ANKRD30BL: variants seen among roughly 807,000 people sequenced by gnomAD.
ANKRD30BL encodes the protein ankyrin repeat domain 30B like, also known as putative ankyrin repeat domain-containing protein 30B-like.
In ANKRD30BL, 20 loss-of-function variants were observed where a neutral mutation model predicts 18.4. The ratio of observed to expected loss-of-function variants is 1.09; its 90% CI spans 0.77 to 1.58. ANKRD30BL has a LOEUF of 1.58. Ranked by LOEUF, ANKRD30BL falls within the 40% of genes most tolerant of loss-of-function variation. The pLI, the probability that ANKRD30BL is intolerant of heterozygous loss-of-function variation, is 0.00. For missense variants in ANKRD30BL, 224 were observed against 268.6 expected, an observed-to-expected ratio of 0.83 and a Z score of 1.16; for synonymous variants, 72 against 100.9, an observed-to-expected ratio of 0.71 and a Z score of 1.72.
At chr2:132,209,387 G>A (rs1021551715) in intron 1 of ANKRD30BL, among the ~76,000 whole-genome samples, 11 of 151,898 alleles carry the variant, frequency 7.2e-5, no homozygotes, top group Admixed American at 4.6e-4. Flanking sequence ...ACTTCTTTGT[G>A]ATGTGTGCAT....
chr2:132,219,372 A>C, intron 1 of ANKRD30BL, among the ~76,000 whole-genome samples: 1 of 152,052 alleles, frequency 6.6e-6, no homozygotes, highest in African/African-American at 2.4e-5. Context: ...TGTGCATTCA[A>C]CTCACAGATT....
At chr2:132,174,926 C>G (rs547334961) in intron 1 of ANKRD30BL, among the ~76,000 whole-genome samples, 1 of 152,302 alleles carries the variant, frequency 6.6e-6, no homozygotes, top group Admixed American at 6.5e-5. Flanking sequence ...TTGAAAAACT[C>G]CAATTGTAAA....
intron 1 of ANKRD30BL, among the ~76,000 whole-genome samples, chr2:132,241,628 G>A (rs796403986): frequency 6.6e-6 from 1 of 151,632 alleles, no homozygotes; most frequent in Non-Finnish European, 1.5e-5. Flanking sequence ...TCTTTTTGTA[G>A]AATCTGCAAG....
At chr2:132,167,588 C>A (rs543732435) in intron 1 of ANKRD30BL, among the ~76,000 whole-genome samples, 8 of 152,278 alleles carry the variant, frequency 5.3e-5, no homozygotes, top group Non-Finnish European at 1.0e-4. Context: ...GAATTACTGG[C>A]AGGAGCCACT....
intron 1 of ANKRD30BL, among the ~76,000 whole-genome samples, chr2:132,222,476 T>G (rs145706204): frequency 0.071 from 10,767 of 152,064 alleles, 1,257 homozygotes; most frequent in African/African-American, 0.24. Flanking sequence ...AGACTTTTCA[T>G]TTTGTTCTGT....
chr2:132,157,374 G>A lies in ANKRD30BL; in HGVS notation c.268C>T (p.Leu90Phe), dbSNP rs1687939224. Residue 90 changes from leucine to phenylalanine, a missense_variant, in exon 2 of 6, where the codon CTT (leucine) becomes TTT (phenylalanine). Physicochemically the swap from Leu to Phe is conservative, Grantham distance 22. Coordinates refer to ENST00000409867, the MANE Select transcript of ANKRD30BL (RefSeq NM_001358416.1). ...AGCTGACACTTTCTATCTACCAGAA[G>A]TGTTACTACTTCTGCATGGCCATTG... is the stretch of plus-strand genomic sequence containing the variant. ...CANGHAEVVT[L>F]LVDRKCQLDV... 1 of 752,566 alleles carries A rather than the reference G, an allele frequency of 1.3e-6. No individual in the cohort carries two copies. The highest frequency in any genetic ancestry group is 2.5e-6 in the Non-Finnish European group (1 of 407,240). 46.6% of individuals were successfully genotyped at this position (752,566 alleles called of 1,614,324 possible). A position where few individuals can be genotyped will look rare whatever the true frequency, so the allele number is the denominator to read the frequency against.
chr2:132,164,269 C>CTTTTTTTTTTTTTTTTTTTTTT (rs796313755), upstream of ANKRD30BL, among the ~76,000 whole-genome samples: 5 of 112,212 alleles, frequency 4.5e-5, no homozygotes, highest in African/African-American at 1.7e-4. Context: ...TTTTCTTTTT[C>CTTTTTTTTTTTTTTTTTTTTTT]TTTTTTTTTT....
At position 132,230,886 on chromosome 2, in the gene ANKRD30BL, G is replaced by C. The variant is rs1450877493; in HGVS notation, n.441+26643C>G. The stretch of plus-strand genomic sequence containing the variant: ...ATGTGTGCATTCACCTCAGAGAGTT[G>C]AACATTTCTTTTGATAGAGCAGTTT... On this transcript the variant is annotated intron_variant and non_coding_transcript_variant, in intron 1 of 4. Coordinates refer to the ANKRD30BL transcript ENST00000470729. Among the ~76,000 whole-genome samples the C allele has an allele frequency of 2.0e-5, 3 of 151,386 alleles. No individual in the cohort carries two copies. In the East Asian group the frequency reaches 5.9e-4, roughly 30 times the overall value.
At chr2:132,246,633 T>C (rs1230845750) in intron 1 of ANKRD30BL, among the ~76,000 whole-genome samples, 1 of 151,950 alleles carries the variant, frequency 6.6e-6, no homozygotes, top group African/African-American at 2.4e-5. Context: ...GAAACGGGTA[T>C]ATCTTCACAT....
intron 1 of ANKRD30BL, among the ~76,000 whole-genome samples, chr2:132,224,175 T>G (rs1171240215): frequency 2.6e-5 from 4 of 152,158 alleles, no homozygotes; most frequent in African/African-American, 4.8e-5. Flanking sequence ...GAAACTTCTT[T>G]GTGATGTGTG....
intron 1 of ANKRD30BL, among the ~76,000 whole-genome samples, chr2:132,159,419 G>C (rs1326060771): frequency 6.6e-6 from 1 of 152,114 alleles, no homozygotes; most frequent in African/African-American, 2.4e-5. Context: ...TTTGTAGATA[G>C]AAAGCAGTAT....
rs1013152951 is a variant in ANKRD30BL at position 132,160,706 on chromosome 2, G to T, written c.218+782C>A. ...GCCTCCCAAAGTGCTGGGATTACAG[G>T]CATGATCCACCGCGCCTGGCCATGG... is the stretch of plus-strand genomic sequence containing the variant. On this transcript the variant is annotated intron_variant, in intron 1 of 5. Coordinates refer to ENST00000409867, the MANE Select transcript of ANKRD30BL (RefSeq NM_001358416.1). 3.9e-5 allele frequency among the ~76,000 whole-genome samples: 6 copies of T among 151,956 alleles called. 1 individual carries two copies. Among genetic ancestry groups the T allele is most frequent in the South Asian group, 4.1e-4 (2 of 4,824 alleles).
At chr2:132,195,650 G>GT (rs1678948126) in intron 1 of ANKRD30BL, among the ~76,000 whole-genome samples, 2 of 151,520 alleles carry the variant, frequency 1.3e-5, no homozygotes, top group African/African-American at 4.8e-5. Context: ...AATTAGCAGG[G>GT]CACGGTGGTG....
At chr2:132,156,292 T>G (rs1687902728) in intron 3 of ANKRD30BL, 1 of 152,128 alleles carries the variant, frequency 6.6e-6, no homozygotes, top group African/African-American at 2.4e-5. Context: ...TGAAGAAAAA[T>G]CATCATTTAA....
At chr2:132,228,792 G>T (rs928953178) in intron 1 of ANKRD30BL, among the ~76,000 whole-genome samples, 4 of 146,336 alleles carry the variant, frequency 2.7e-5, no homozygotes, top group Non-Finnish European at 4.4e-5. Flanking sequence ...CTAGATAAAA[G>T]CAATCTGAAA....
intron 1 of ANKRD30BL, among the ~76,000 whole-genome samples, chr2:132,200,428 T>C (rs1278400678): frequency 8.2e-4 from 125 of 152,280 alleles, no homozygotes; most frequent in African/African-American, 3.0e-3. Context: ...CTTAAGCTGA[T>C]AAGCAACTTC....
intron 1 of ANKRD30BL, among the ~76,000 whole-genome samples, chr2:132,214,857 C>A (rs1573850580): frequency 6.6e-6 from 1 of 151,596 alleles, no homozygotes; most frequent in Non-Finnish European, 1.5e-5. Flanking sequence ...AAAAACTAGA[C>A]AGAAGCTTTC....
intron 1 of ANKRD30BL, among the ~76,000 whole-genome samples, chr2:132,247,616 G>A (rs1680539785): frequency 6.6e-6 from 1 of 151,832 alleles, no homozygotes; most frequent in South Asian, 2.1e-4. Flanking sequence ...GCCTCAAAAT[G>A]CTCAGATATA....
intron 1 of ANKRD30BL, among the ~76,000 whole-genome samples, chr2:132,177,006 G>C (rs1688376755): frequency 6.6e-6 from 1 of 152,120 alleles, no homozygotes; most frequent in South Asian, 2.1e-4. Context: ...CTAGAGACTT[G>C]TCTCTACAGA....
Sources: allele counts gnomAD v4.1 joint callset (sites outside exome capture counted in the v4.1 genomes callset), GRCh38; gene constraint gnomAD v4.1.1; transcripts MANE v1.5; gene names NCBI Gene and HGNC (gene_info 2026-07-23, HGNC 2026-07-21).